Variants in VWA5B1 observed in about 807,000 individuals in gnomAD.
VWA5B1 encodes the protein von Willebrand factor A domain containing 5B1, also known as von Willebrand factor A domain-containing protein 5B1.
VWA5B1 carries 115 observed loss-of-function variants against 118.2 expected under a neutral mutation model. The ratio of observed to expected loss-of-function variants is 0.97; its 90% CI spans 0.84 to 1.14. The LOEUF is 1.14. VWA5B1 is among the 50% of genes most tolerant of loss of function. VWA5B1 has a pLI of 0.00. For synonymous variants in VWA5B1, 682 were observed against 658.4 expected, an observed-to-expected ratio of 1.04 and a Z score of -0.55; for missense variants, 1,596 against 1,603.8, an observed-to-expected ratio of 1.00 and a Z score of 0.08.
Position 20,336,328 on chromosome 1 carries a change from T to C in VWA5B1, c.1784T>C (p.Leu595Pro). The part of the protein sequence containing the change: ...RSDKRRRYSM[L>P]HSQESGSSVF... Reference sequence around the variant, plus strand: ...GACAAGAGGCGCCGGTACAGCATGCTGCACTCTCAGGAGTCTGGCAGCTCT... The same window carrying C: ...GACAAGAGGCGCCGGTACAGCATGCCGCACTCTCAGGAGTCTGGCAGCTCT... The change falls in exon 13 of 22, where the codon CTG becomes CCG. Residue 595 changes from leucine to proline, a missense_variant. Transcript: ENST00000289815. 1 of 1,508,186 alleles carries C rather than the reference T, an allele frequency of 6.6e-7. No individual in the cohort carries two copies. The highest frequency in any genetic ancestry group is 1.3e-5 in the South Asian group (1 of 74,374). The allele number at this position is 1,508,186 out of a possible 1,614,324, so 93.4% of individuals were successfully genotyped here.
At position 20,353,867 on chromosome 1, in the gene VWA5B1, A is replaced by G. The variant is rs1233889390; in HGVS notation, c.3252A>G (p.Arg1084=). 1 of 1,543,386 alleles carries G rather than the reference A, an allele frequency of 6.5e-7. No individual in the cohort carries two copies. The highest frequency in any genetic ancestry group is 8.8e-7 in the Non-Finnish European group (1 of 1,142,698). Residue 1084 remains arginine (R), a synonymous_variant, in exon 22 of 22, where the codon CGA becomes CGG. Transcript: ENST00000289815. The part of the protein sequence containing the change: ...LKWTSPFTCH[R]VSLTTRPSES... ...GGACGTCCCCCTTCACCTGCCATCG[A>G]GTGTCCCTCACCACCCGCCCGTCTG...
Position 20,352,191 on chromosome 1 carries a change from G to C in VWA5B1, c.3141+19G>C. Reference sequence around the variant, plus strand: ...ACCTCTGGTGAGTGCCCTGACCCCAGGTGTCAGTCTCCCTCCGCTCCACTC... The same window carrying C: ...ACCTCTGGTGAGTGCCCTGACCCCACGTGTCAGTCTCCCTCCGCTCCACTC... On this transcript the variant is annotated intron_variant, in intron 21 of 21. Transcript: ENST00000289815. The C allele has an allele frequency of 1.3e-6, 2 of 1,538,554 alleles. No individual in the cohort carries two copies. Among genetic ancestry groups the C allele is most frequent in the Non-Finnish European group, 1.8e-6 (2 of 1,137,060 alleles).
rs976009995 is a variant in VWA5B1, at chr1:20,314,532, C to A, written c.503C>A (p.Ala168Asp). Residue 168 changes from alanine to aspartate, a missense_variant, in exon 4 of 22, where the codon GCC becomes GAC. Physicochemically the swap from Ala to Asp is moderately radical, Grantham distance 126. Coordinates refer to ENST00000289815, the MANE Select transcript of VWA5B1 (RefSeq NM_001039500.3). ...AGGGTCCTTCTGCCTGCTGTCTGTGCCCCAACCGTGCCCCAGTTCTGCACC... is the reference window on the plus strand; with the variant it reads ...AGGGTCCTTCTGCCTGCTGTCTGTGACCCAACCGTGCCCCAGTTCTGCACC... ...AVRVLLPAVC[A>D]PTVPQFCTKS... is the part of the protein sequence containing the mutation. 6.4e-7 allele frequency: 1 copy of A among 1,551,702 alleles called. No individual in the cohort carries two copies. Among genetic ancestry groups the A allele is most frequent in the Non-Finnish European group, 8.7e-7 (1 of 1,147,004 alleles).
intron 1 of VWA5B1, among the ~76,000 whole-genome samples, chr1:20,295,530 G>T (rs1168219550): frequency 6.6e-6 from 1 of 152,158 alleles, no homozygotes; most frequent in Non-Finnish European, 1.5e-5. Flanking sequence ...CGTGCCTTGT[G>T]AATCTTCCTA....
intron 1 of VWA5B1, among the ~76,000 whole-genome samples, chr1:20,296,989 G>A (rs554434201): frequency 7.2e-5 from 11 of 152,202 alleles, no homozygotes; most frequent in Non-Finnish European, 1.6e-4. Context: ...GCCTCAGGTC[G>A]TTCATTAGTT....
chr1:20,345,344 A>T, intron 16 of VWA5B1, 112 bp from the exon 17 acceptor site: 1 of 1,418,330 alleles, frequency 7.1e-7, no homozygotes, highest in Non-Finnish European at 9.5e-7. Context: ...AGGCTTCTTT[A>T]ATCCCAAAGA....
intron 1 of VWA5B1, among the ~76,000 whole-genome samples, chr1:20,301,188 C>G (rs2088495484): frequency 6.6e-6 from 1 of 152,176 alleles, no homozygotes; most frequent in Non-Finnish European, 1.5e-5. Flanking sequence ...GGCCAGAGCC[C>G]CCATGGGGTA....
chr1:20,354,030 C>T lies in VWA5B1; in HGVS notation c.3415C>T (p.Leu1139=). 6.4e-7 allele frequency: 1 copy of T among 1,551,700 alleles called. No homozygotes were observed. Among genetic ancestry groups the T allele is most frequent in the Middle Eastern group, 1.7e-4 (1 of 5,992 alleles). ...GGCAGTGGTGGAGCACACTGGGAAG[C>T]TGTGGGCCACGGTGGTGGGGCTGGC... ...PRAVVEHTGK[L]WATVVGLAWL... The change falls in exon 22 of 22, where the codon CTG becomes TTG. Residue 1139 remains leucine (L), a synonymous_variant. Transcript: ENST00000289815.
intron 18 of VWA5B1, 37 bp downstream of exon 18, chr1:20,348,395 A>C (rs2101010820): frequency 6.5e-7 from 1 of 1,548,024 alleles, no homozygotes; most frequent in East Asian, 2.4e-5. Context: ...CACCCTGGGC[A>C]CTTTCGGAAG....
intron 20 of VWA5B1, 116 bp from the exon 21 acceptor site, chr1:20,351,939 G>C: frequency 1.4e-6 from 1 of 708,310 alleles, no homozygotes; most frequent in Non-Finnish European, 2.3e-6. Context: ...TTAGCTATCA[G>C]ATAAGGAGGC....
chr1:20,319,364 T>TA lies in VWA5B1; in HGVS notation c.842-18_842-17insA, dbSNP rs2089131527. On this transcript the variant is annotated splice_polypyrimidine_tract_variant and intron_variant, in intron 6 of 21. Coordinates refer to ENST00000289815, the MANE Select transcript of VWA5B1 (RefSeq NM_001039500.3). The stretch of plus-strand genomic sequence containing the variant: ...ACGATACCTGGCCAAGTGCTGAAAG[T>TA]CGATCTCATCTCTGCAGAGCCCCAT... 3 of 1,550,780 alleles carry TA rather than the reference T, an allele frequency of 1.9e-6. No homozygotes were observed. Among genetic ancestry groups the TA allele is most frequent in the Admixed American group, 3.9e-5 (2 of 50,954 alleles).
chr1:20,327,686 T>C (rs1435560602), intron 8 of VWA5B1, among the ~76,000 whole-genome samples: 2 of 146,466 alleles, frequency 1.4e-5, no homozygotes, highest in African/African-American at 5.0e-5. Flanking sequence ...GTGGTGGTGG[T>C]GGTGGTGGTG....
chr1:20,343,009 T>A, intron 15 of VWA5B1, 70 bp from the exon 16 acceptor site: 1 of 1,456,280 alleles, frequency 6.9e-7, no homozygotes, highest in Non-Finnish European at 9.1e-7. Flanking sequence ...TGGGGAGGAA[T>A]GATGTCCCCT....
chr1:20,294,679 A>G (rs2088371571), intron 1 of VWA5B1, among the ~76,000 whole-genome samples: 1 of 151,552 alleles, frequency 6.6e-6, no homozygotes, highest in South Asian at 2.1e-4. Flanking sequence ...GGGTTTCTCC[A>G]TGTTGGTCTG....
At chr1:20,320,187 A>G (rs2089163808) in intron 7 of VWA5B1, among the ~76,000 whole-genome samples, 1 of 152,176 alleles carries the variant, frequency 6.6e-6, no homozygotes, top group South Asian at 2.1e-4. Flanking sequence ...CCCTTTTTAG[A>G]TGAGAAAACT....
rs770865444 is a variant in VWA5B1 at position 20,319,481 on chromosome 1, AG to A, written c.942del (p.Lys315ArgfsTer41). ...AGAACAGATTTCATTAAAGGGATGA[AG>A]AAGAAGAGCAGAGCAGAGCGGAAGG... The part of the protein sequence containing the change: ...KGRTDFIKGM[K>X]KKSRAERKTE... On this transcript the variant is annotated frameshift_variant, in exon 7 of 22. Transcript: ENST00000289815. LOFTEE classifies it high-confidence loss of function. The A allele has an allele frequency of 5.2e-6, 8 of 1,551,618 alleles. No homozygotes were observed. Among genetic ancestry groups the A allele is most frequent in the Non-Finnish European group, 7.0e-6 (8 of 1,147,008 alleles).
chr1:20,323,910 T>A (rs1260878924), intron 8 of VWA5B1, among the ~76,000 whole-genome samples: 3 of 152,202 alleles, frequency 2.0e-5, no homozygotes, highest in Non-Finnish European at 4.4e-5. Flanking sequence ...TGGTACCTCA[T>A]CCAGACAATA....
At chr1:20,349,221 C>G in intron 18 of VWA5B1, 1 of 446,658 alleles carries the variant, frequency 2.2e-6, no homozygotes, top group Non-Finnish European at 4.5e-6. Context: ...ACTTCTTGGT[C>G]CCATTGGCCT....
At chr1:20,348,223 C>T in intron 17 of VWA5B1, 22 bp from the exon 18 acceptor site, 1 of 1,549,410 alleles carries the variant, frequency 6.5e-7, no homozygotes, top group South Asian at 1.2e-5. Context: ...CAACCACCCG[C>T]TTCCCCTTGT....
Sources: allele counts gnomAD v4.1 joint callset (sites outside exome capture counted in the v4.1 genomes callset), GRCh38; gene constraint gnomAD v4.1.1; transcripts MANE v1.5; gene names NCBI Gene and HGNC (gene_info 2026-07-23, HGNC 2026-07-21).